USP13: variants seen among roughly 807,000 people sequenced by gnomAD.
USP13 encodes the protein ubiquitin carboxyl-terminal hydrolase 13.
USP13 carries 68 observed loss-of-function variants against 107.8 expected under a neutral mutation model. The ratio of observed to expected loss-of-function variants is 0.63; its 90% CI spans 0.52 to 0.77. The LOEUF is 0.77. USP13 is among the 30% of genes least tolerant of loss of function. The pLI, the probability that USP13 is intolerant of heterozygous loss-of-function variation, is 0.00. For missense variants in USP13, 945 were observed against 1,093.3 expected (o/e 0.86, Z 1.91); for synonymous variants, 377 against 389.5 (o/e 0.97, Z 0.38).
At chr3:179,752,133 T>C in intron 13 of USP13, 152 bp from the exon 14 acceptor site, 1 of 643,996 alleles carries the variant, frequency 1.6e-6, no homozygotes, top group Non-Finnish European at 2.8e-6. Context: ...CGAATGTGTG[T>C]CCACTTACAT....
Position 179,678,478 on chromosome 3 carries a change from ATT to A in USP13, c.169-3389_169-3388del, listed in dbSNP as rs11402001. ...ATAATTATAAGCTTTTTTGGATGCT[ATT>A]TTTTTTTTTTGAGACAGGGTCTCTT... On this transcript the variant is annotated intron_variant, in intron 1 of 20. Coordinates refer to ENST00000263966, the MANE Select transcript of USP13 (RefSeq NM_003940.3). This position sits in a 1 kb window ranked among gnomAD's most constrained non-coding sequence, Gnocchi z 4.2. Among the ~76,000 whole-genome samples, 2 of 147,758 alleles carry A rather than the reference ATT, an allele frequency of 1.4e-5. No homozygotes were observed. The highest frequency in any genetic ancestry group is 1.5e-5 in the Non-Finnish European group (1 of 66,816).
intron 14 of USP13, among the ~76,000 whole-genome samples, chr3:179,753,897 A>G (rs1304920312): frequency 6.6e-6 from 1 of 152,222 alleles, no homozygotes; most frequent in Non-Finnish European, 1.5e-5. Context: ...GTATTTGAAT[A>G]AGTCAACACA....
intron 19 of USP13, among the ~76,000 whole-genome samples, chr3:179,774,002 TA>T (rs1044768250): frequency 1.3e-5 from 2 of 152,074 alleles, no homozygotes; most frequent in African/African-American, 4.8e-5. Context: ...CTAATTTATA[TA>T]AAAAAAGGAG....
At chr3:179,706,768 C>T (rs1712731171) in intron 4 of USP13, among the ~76,000 whole-genome samples, 166 bp from the exon 5 acceptor site, 1 of 152,224 alleles carries the variant, frequency 6.6e-6, no homozygotes, top group Admixed American at 6.5e-5. Flanking sequence ...CAAAACCTAG[C>T]TTGATCCAGG....
At chr3:179,782,542 A>G (rs1715783397) in intron 20 of USP13, among the ~76,000 whole-genome samples, 2 of 152,028 alleles carry the variant, frequency 1.3e-5, no homozygotes, top group Admixed American at 6.6e-5. Context: ...TGCAACTCCA[A>G]ACTGAGTAGC....
chr3:179,692,228 T>G (rs1378753994), intron 3 of USP13, among the ~76,000 whole-genome samples: 1 of 152,246 alleles, frequency 6.6e-6, no homozygotes, highest in Non-Finnish European at 1.5e-5. Context: ...TTCATCTTTT[T>G]GCTTCTCTAT....
chr3:179,781,420 A>G (rs1715743363), intron 19 of USP13, among the ~76,000 whole-genome samples: 2 of 152,158 alleles, frequency 1.3e-5, no homozygotes, highest in Admixed American at 1.3e-4. Context: ...TGGAAGTGAT[A>G]GAGCCAGGAC....
At chr3:179,681,103 G>A (rs1285213729) in intron 1 of USP13, among the ~76,000 whole-genome samples, 2 of 152,158 alleles carry the variant, frequency 1.3e-5, no homozygotes, top group Non-Finnish European at 2.9e-5. Flanking sequence ...TGTGAACGTA[G>A]CCAGCATTTG....
At chr3:179,744,921 G>C in intron 12 of USP13, 122 bp from the exon 13 acceptor site, 1 of 1,230,268 alleles carries the variant, frequency 8.1e-7, no homozygotes, top group South Asian at 1.6e-5. Context: ...TCTGTAAAGG[G>C]CGACAAATAA....
chr3:179,752,315 C>A lies in USP13; in HGVS notation c.1740C>A (p.Tyr580Ter). The A allele has an allele frequency of 1.2e-6, 2 of 1,614,052 alleles. No homozygotes were observed. The highest frequency in any genetic ancestry group is 1.7e-6 in the Non-Finnish European group (2 of 1,179,982). ...CTCGCTTTGCTTCATTCCCTGAATACTTGGTAGTGCAGATAAAGAAGTTCA... is the reference window on the plus strand; with the variant it reads ...CTCGCTTTGCTTCATTCCCTGAATAATTGGTAGTGCAGATAAAGAAGTTCA... ...KTSRFASFPEYLVVQIKKFTF... is the reference protein window; with the variant it reads ...KTSRFASFPE The change falls in exon 14 of 21, where the codon TAC becomes TAA. Residue 580 changes from tyrosine to a stop codon, truncating the protein, a stop_gained. Transcript: ENST00000263966. LOFTEE classifies it high-confidence loss of function.
At chr3:179,766,044 A>G (rs1277153704) in intron 19 of USP13, among the ~76,000 whole-genome samples, 196 bp downstream of exon 19, 1 of 149,302 alleles carries the variant, frequency 6.7e-6, no homozygotes, top group Non-Finnish European at 1.5e-5. Flanking sequence ...CTGTGGCGCG[A>G]TCTCGGCTCA....
intron 1 of USP13, among the ~76,000 whole-genome samples, chr3:179,663,568 G>A (rs1720511720): frequency 6.6e-6 from 1 of 152,194 alleles, no homozygotes; most frequent in Non-Finnish European, 1.5e-5. Context: ...TGTGGCAGAA[G>A]CTTCCTAACA....
intron 4 of USP13, among the ~76,000 whole-genome samples, chr3:179,701,993 T>C (rs140152078): frequency 3.9e-5 from 6 of 152,300 alleles, no homozygotes; most frequent in African/African-American, 1.4e-4. Context: ...TTCCTTTTTT[T>C]TGTTTTGGTC....
chr3:179,742,066 G>A lies in USP13; in HGVS notation c.1381-131G>A. 1 of 1,106,372 alleles carries A rather than the reference G, an allele frequency of 9.0e-7. No individual in the cohort carries two copies. Among genetic ancestry groups the A allele is most frequent in the Non-Finnish European group, 1.3e-6 (1 of 791,710 alleles). 68.5% of individuals were successfully genotyped at this position (1,106,372 alleles called of 1,614,324 possible). On this transcript the variant is annotated intron_variant, in intron 11 of 20. Transcript: ENST00000263966. The surrounding 1 kb of genome is among the most constrained non-coding windows in gnomAD (Gnocchi z 5.0). Reference sequence around the variant, plus strand: ...AGTGTTTTTCTATTAAAGTGCTTTGGTGAATGGGCATGGCCAGAGGAAATG... The same window carrying A: ...AGTGTTTTTCTATTAAAGTGCTTTGATGAATGGGCATGGCCAGAGGAAATG...
intron 1 of USP13, among the ~76,000 whole-genome samples, chr3:179,670,800 C>T (rs560262838): frequency 3.9e-5 from 6 of 152,086 alleles, no homozygotes; most frequent in Admixed American, 1.3e-4. Flanking sequence ...TGGGTTCTAG[C>T]GATTCTTCTG....
chr3:179,668,001 G>A (rs1720636184), intron 1 of USP13, among the ~76,000 whole-genome samples: 1 of 152,120 alleles, frequency 6.6e-6, no homozygotes, highest in South Asian at 2.1e-4. Context: ...CAGTAGAACA[G>A]TAAGTTTATA....
At chr3:179,729,964 T>A (rs1713738950) in intron 8 of USP13, among the ~76,000 whole-genome samples, 1 of 152,210 alleles carries the variant, frequency 6.6e-6, no homozygotes, top group South Asian at 2.1e-4. Flanking sequence ...ACTCTTTGGG[T>A]GAATCTAACT....
rs1714831888 is a variant in USP13 at position 179,757,045 on chromosome 3, T to C, written c.1922-7T>C. 6.2e-7 allele frequency: 1 copy of C among 1,614,104 alleles called. No homozygotes were observed. Among genetic ancestry groups the C allele is most frequent in the Non-Finnish European group, 8.5e-7 (1 of 1,179,948 alleles). ...TCTCATTTTCTGTCCTCTCCCTTAA[T>C]TTCCAGATCGCCTGATGAACCAATT... On this transcript the variant is annotated splice_region_variant and splice_polypyrimidine_tract_variant and intron_variant, in intron 15 of 20. Transcript: ENST00000263966.
chr3:179,675,134 C>T (rs2108447526), intron 1 of USP13, among the ~76,000 whole-genome samples: 1 of 150,708 alleles, frequency 6.6e-6, no homozygotes, highest in South Asian at 2.1e-4. Flanking sequence ...GAGATCACGC[C>T]ACTGTACTCC....
Sources: allele counts gnomAD v4.1 joint callset (sites outside exome capture counted in the v4.1 genomes callset), GRCh38; gene constraint gnomAD v4.1.1; non-coding constraint Gnocchi (gnomAD v3.1); transcripts MANE v1.5; gene names NCBI Gene and HGNC (gene_info 2026-07-23, HGNC 2026-07-21).